PRR5L: variants seen among roughly 807,000 people sequenced by gnomAD.
PRR5L encodes proline rich 5 like.
PRR5L carries 21 observed loss-of-function variants against 36.4 expected under a neutral mutation model. The ratio of observed to expected loss-of-function variants is 0.58; its 90% CI spans 0.41 to 0.83. The LOEUF (loss-of-function observed/expected upper bound fraction) is 0.83. PRR5L is among the 40% of genes least tolerant of loss of function. The pLI is 0.00. For synonymous variants in PRR5L, 188 were observed against 197.0 expected, an observed-to-expected ratio of 0.95 and a Z score of 0.38; for missense variants, 381 against 473.3, an observed-to-expected ratio of 0.80 and a Z score of 1.81.
At chr11:36,316,754 A>G (rs1350194656) in intron 1 of PRR5L, among the ~76,000 whole-genome samples, 1 of 152,182 alleles carries the variant, frequency 6.6e-6, no homozygotes, top group Non-Finnish European at 1.5e-5. Context: ...CAGAGGCTGC[A>G]TGACCCCTAA....
At chr11:36,302,056 C>T (rs936317000) in intron 1 of PRR5L, among the ~76,000 whole-genome samples, 2 of 152,146 alleles carry the variant, frequency 1.3e-5, no homozygotes, top group Non-Finnish European at 2.9e-5. Context: ...TGGGAGTTTA[C>T]TGTACTGTTA....
intron 1 of PRR5L, among the ~76,000 whole-genome samples, chr11:36,300,293 G>A (rs946096515): frequency 1.3e-5 from 2 of 152,042 alleles, no homozygotes; most frequent in African/African-American, 4.8e-5. Flanking sequence ...CAGAAGGTGA[G>A]GGGGGAGCAT....
chr11:36,352,092 TA>T (rs1304788165), intron 1 of PRR5L, among the ~76,000 whole-genome samples: 35 of 152,146 alleles, frequency 2.3e-4, no homozygotes, highest in African/African-American at 6.7e-4. Flanking sequence ...CAACATCTAT[TA>T]TTTTTTTATA....
chr11:36,320,299 A>G (rs1351730949), intron 1 of PRR5L, among the ~76,000 whole-genome samples: 1 of 136,930 alleles, frequency 7.3e-6, no homozygotes, highest in Non-Finnish European at 1.5e-5. Context: ...GCTGGAGTGC[A>G]GTGGTGCGAT....
chr11:36,350,949 TATTTA>T (rs1565406422), intron 1 of PRR5L, among the ~76,000 whole-genome samples: 3,047 of 29,280 alleles, frequency 0.1, 608 homozygotes, highest in African/African-American at 0.29. Context: ...TATATATATA[TATTTA>T]TATATATTTA....
chr11:36,423,969 G>A (rs965295184), intron 4 of PRR5L, among the ~76,000 whole-genome samples: 11 of 152,180 alleles, frequency 7.2e-5, no homozygotes, highest in African/African-American at 1.9e-4. Context: ...CTCGCTGCCT[G>A]TCAGAGGTCA....
intron 1 of PRR5L, among the ~76,000 whole-genome samples, chr11:36,354,999 A>G (rs903457889): frequency 2.6e-5 from 4 of 152,156 alleles, no homozygotes; most frequent in Admixed American, 6.5e-5. Flanking sequence ...CTGCTTGGAG[A>G]TGATTGTTGT....
intron 2 of PRR5L, among the ~76,000 whole-genome samples, chr11:36,402,562 G>T (rs1262868470): frequency 6.6e-6 from 1 of 152,220 alleles, no homozygotes; most frequent in Non-Finnish European, 1.5e-5. Flanking sequence ...TATTTTAAAT[G>T]AATGGACACA....
At chr11:36,350,256 T>C (rs1023098843) in intron 1 of PRR5L, among the ~76,000 whole-genome samples, 29 of 145,560 alleles carry the variant, frequency 2.0e-4, no homozygotes, top group African/African-American at 6.9e-4. Context: ...GTGTGTGGGA[T>C]GGGTGAGTGT....
chr11:36,299,401 A>G (rs143299842), intron 1 of PRR5L, among the ~76,000 whole-genome samples: 15 of 152,214 alleles, frequency 9.9e-5, no homozygotes, highest in African/African-American at 3.4e-4. Flanking sequence ...GCTTTCTCCA[A>G]AATTCCTCCT....
chr11:36,459,135 T>A (rs924458840), intron 8 of PRR5L, among the ~76,000 whole-genome samples: 3 of 152,180 alleles, frequency 2.0e-5, no homozygotes, highest in Non-Finnish European at 2.9e-5. Context: ...GCCAGACCGG[T>A]TGCAGTGGCT....
At chr11:36,340,274 C>A (rs1173619513) in intron 1 of PRR5L, among the ~76,000 whole-genome samples, 1 of 152,142 alleles carries the variant, frequency 6.6e-6, no homozygotes, top group African/African-American at 2.4e-5. Context: ...AAAAACTGGC[C>A]TATTTTGGAA....
At chr11:36,427,359 T>C (rs1858403949) in intron 4 of PRR5L, among the ~76,000 whole-genome samples, 1 of 152,070 alleles carries the variant, frequency 6.6e-6, no homozygotes, top group African/African-American at 2.4e-5. Flanking sequence ...GGTTACTATT[T>C]AGTAACCATT....
chr11:36,374,297 G>T (rs1857231171), intron 1 of PRR5L, among the ~76,000 whole-genome samples: 1 of 152,070 alleles, frequency 6.6e-6, no homozygotes, highest in Non-Finnish European at 1.5e-5. Flanking sequence ...GTTTCGCTAT[G>T]TTGGCCAGGC....
In PRR5L at chr11:36,377,969, G is replaced by A. The variant is rs771572574; in HGVS notation, c.-125-23028G>A. Among the ~76,000 whole-genome samples the A allele has an allele frequency of 6.6e-6, 1 of 152,070 alleles. No individual in the cohort carries two copies. The highest frequency in any genetic ancestry group is 2.4e-5 in the African/African-American group (1 of 41,398). On this transcript the variant is annotated intron_variant, in intron 1 of 8. Coordinates refer to ENST00000530639, the MANE Select transcript of PRR5L (RefSeq NM_001160167.2). The surrounding 1 kb of genome is among the most constrained non-coding windows in gnomAD (Gnocchi z 5.1). ...TGCTAAGGACCAAAGGGATGCCACC[G>A]GCCCAATGTACTGCCTTCATCCCCC...
intron 8 of PRR5L, among the ~76,000 whole-genome samples, chr11:36,459,338 C>T (rs901437713): frequency 7.2e-5 from 11 of 152,316 alleles, no homozygotes; most frequent in South Asian, 2.1e-4. Flanking sequence ...TCTGCCCTAG[C>T]GCAGCCCATG....
chr11:36,460,871 T>C (rs1859165292), intron 8 of PRR5L, among the ~76,000 whole-genome samples: 1 of 152,260 alleles, frequency 6.6e-6, no homozygotes, highest in Non-Finnish European at 1.5e-5. Context: ...ATGGTGCACC[T>C]GTCTCAGCAG....
chr11:36,435,586 A>C (rs1238939411), intron 5 of PRR5L, among the ~76,000 whole-genome samples: 11 of 152,222 alleles, frequency 7.2e-5, no homozygotes, highest in Admixed American at 7.2e-4. Context: ...GTGGCATGAC[A>C]GAGAATGGTG....
At chr11:36,345,888 T>C (rs377091732) in intron 1 of PRR5L, among the ~76,000 whole-genome samples, 1 of 152,210 alleles carries the variant, frequency 6.6e-6, no homozygotes, top group East Asian at 1.9e-4. Flanking sequence ...TTCTGTTTCC[T>C]AAAAGTATAA....
Sources: gnomAD v4.1 joint callset for allele counts (sites outside exome capture counted in the v4.1 genomes callset) on GRCh38, gnomAD v4.1.1 for gene constraint, Gnocchi (gnomAD v3.1) non-coding constraint, MANE v1.5 for transcripts, NCBI Gene and HGNC (gene_info 2026-07-23, HGNC 2026-07-21) for gene names.